Variants in NEGR1 observed in about 807,000 individuals in gnomAD.
NEGR1 encodes IgLON family member 4.
Under a neutral mutation model 40.9 loss-of-function variants are expected in NEGR1, and 10 were observed. That is an observed-to-expected ratio of 0.24 (90% CI 0.15 to 0.42). The LOEUF is 0.42. Among genes scored for constraint, NEGR1 ranks in the 10% least tolerant of loss-of-function variants. The pLI is 1.00. For missense variants in NEGR1, 352 were observed against 438.9 expected (o/e 0.80, Z 1.77); for synonymous variants, 185 against 166.8 (o/e 1.11, Z -0.84).
chr1:72,098,784 G>A (rs1569961175), intron 1 of NEGR1, among the ~76,000 whole-genome samples: 1 of 152,088 alleles, frequency 6.6e-6, no homozygotes, highest in Non-Finnish European at 1.5e-5. Context: ...CTAATAACAG[G>A]TAAACTGCAA....
At chr1:72,098,002 G>T (rs1317487604) in intron 1 of NEGR1, among the ~76,000 whole-genome samples, 1 of 152,074 alleles carries the variant, frequency 6.6e-6, no homozygotes, top group Non-Finnish European at 1.5e-5. Flanking sequence ...CTGGCTCCTG[G>T]CTTAAAACCT....
chr1:71,419,559 T>TC (rs1287384934), intron 6 of NEGR1, among the ~76,000 whole-genome samples: 1 of 152,200 alleles, frequency 6.6e-6, no homozygotes, highest in African/African-American at 2.4e-5. Context: ...CTGTTTTTTT[T>TC]CCTCATAGAT....
intron 1 of NEGR1, among the ~76,000 whole-genome samples, chr1:72,017,126 ATGTGTG>A (rs143863573): frequency 0.18 from 26,016 of 146,794 alleles, 2,710 homozygotes; most frequent in East Asian, 0.43. Flanking sequence ...ATACACATAT[ATGTGTG>A]TGTGTGTGTG....
In NEGR1 at chr1:71,540,669, G is replaced by A. The variant is rs557368674; in HGVS notation, c.940+52148C>T. On this transcript the variant is annotated intron_variant, in intron 6 of 6. Coordinates refer to ENST00000357731, the MANE Select transcript of NEGR1 (RefSeq NM_173808.3). Reference sequence around the variant, plus strand: ...AAGGGGATTTGGCAAATTCAAATCGGCACTCTAACTAAGACTTAGTCATAT... The same window carrying A: ...AAGGGGATTTGGCAAATTCAAATCGACACTCTAACTAAGACTTAGTCATAT... Among the ~76,000 whole-genome samples, 108 of 151,786 alleles carry A rather than the reference G, an allele frequency of 7.1e-4. No homozygotes were observed. The Middle Eastern group carries it at 0.01, about 14-fold the overall frequency.
In NEGR1 at chr1:71,438,166, T is replaced by G. The variant is rs546082074; in HGVS notation, c.941-30596A>C. Among the ~76,000 whole-genome samples the G allele has an allele frequency of 1.2e-4, 18 of 152,324 alleles. No homozygotes were observed. The South Asian group carries it at 3.3e-3, about 28-fold the overall frequency. ...GGCTTTGAGGATGTTTATGTATTCTTTATAAGCCCTTAGTCAAAGATTGCT... is the reference window on the plus strand; with the variant it reads ...GGCTTTGAGGATGTTTATGTATTCTGTATAAGCCCTTAGTCAAAGATTGCT... On this transcript the variant is annotated intron_variant, in intron 6 of 6. Coordinates refer to ENST00000357731, the MANE Select transcript of NEGR1 (RefSeq NM_173808.3).
At chr1:71,412,201 T>C (rs1646327736) in intron 6 of NEGR1, among the ~76,000 whole-genome samples, 2 of 152,252 alleles carry the variant, frequency 1.3e-5, no homozygotes, top group Non-Finnish European at 1.5e-5. Context: ...TTCTTCACTC[T>C]AGTCATACAA....
intron 2 of NEGR1, among the ~76,000 whole-genome samples, chr1:71,863,173 C>T (rs969332436): frequency 6.6e-6 from 1 of 152,110 alleles, no homozygotes; most frequent in Non-Finnish European, 1.5e-5. Flanking sequence ...GCATTATTCA[C>T]AACAGCAAAG....
At chr1:71,511,534 T>C (rs1647073066) in intron 6 of NEGR1, among the ~76,000 whole-genome samples, 2 of 152,342 alleles carry the variant, frequency 1.3e-5, no homozygotes, top group South Asian at 2.1e-4. Context: ...CTGAACATAG[T>C]GGAAAGAGTC....
At chr1:71,480,896 A>G (rs898217430) in intron 6 of NEGR1, among the ~76,000 whole-genome samples, 2 of 151,792 alleles carry the variant, frequency 1.3e-5, no homozygotes, top group Non-Finnish European at 2.9e-5. Context: ...AGGTGAAATA[A>G]CTCACCTAAA....
intron 1 of NEGR1, among the ~76,000 whole-genome samples, chr1:72,085,747 A>T (rs1311036253): frequency 6.6e-6 from 1 of 152,058 alleles, no homozygotes; most frequent in Non-Finnish European, 1.5e-5. Flanking sequence ...AGGCGGGTGG[A>T]TCACCTGAGG....
chr1:71,949,697 A>G (rs1646052062), intron 1 of NEGR1, among the ~76,000 whole-genome samples: 1 of 152,210 alleles, frequency 6.6e-6, no homozygotes, highest in African/African-American at 2.4e-5. Context: ...AAGCACACAC[A>G]GCAATCTCTG....
intron 2 of NEGR1, among the ~76,000 whole-genome samples, chr1:71,912,233 C>G (rs1247283195): frequency 1.3e-5 from 2 of 152,132 alleles, no homozygotes; most frequent in Non-Finnish European, 2.9e-5. Context: ...CTTGTCTTTT[C>G]CAGCTTTTAA....
chr1:71,943,874 T>C (rs922994200), intron 1 of NEGR1, among the ~76,000 whole-genome samples: 1 of 152,144 alleles, frequency 6.6e-6, no homozygotes, highest in Non-Finnish European at 1.5e-5. Context: ...GGTCTTATCA[T>C]CTCTGCTCTA....
chr1:71,448,544 A>G (rs1389143610), intron 6 of NEGR1, among the ~76,000 whole-genome samples: 1 of 152,178 alleles, frequency 6.6e-6, no homozygotes, highest in Non-Finnish European at 1.5e-5. Context: ...GGTTGCAATG[A>G]GCAGAGATTG....
At chr1:71,596,849 C>T (rs538572005) in intron 5 of NEGR1, among the ~76,000 whole-genome samples, 117 of 152,246 alleles carry the variant, frequency 7.7e-4, no homozygotes, top group Middle Eastern at 6.8e-3. Context: ...TATCAGACAA[C>T]ATTTTAAATA....
At chr1:71,458,412 A>G (rs550256441) in intron 6 of NEGR1, among the ~76,000 whole-genome samples, 44 of 152,328 alleles carry the variant, frequency 2.9e-4, no homozygotes, top group African/African-American at 1.1e-3. Flanking sequence ...TAACTAGCAG[A>G]AGGCTGCAGA....
chr1:71,912,365 C>T (rs1661441944), intron 2 of NEGR1, among the ~76,000 whole-genome samples: 1 of 152,126 alleles, frequency 6.6e-6, no homozygotes, highest in African/African-American at 2.4e-5. Context: ...CTTATAATAA[C>T]CCTCGTTATT....
chr1:72,104,502 A>G (rs1343053937), intron 1 of NEGR1, among the ~76,000 whole-genome samples: 1 of 152,104 alleles, frequency 6.6e-6, no homozygotes, highest in African/African-American at 2.4e-5. Context: ...AGCTTCCTGA[A>G]GGAATATGGT....
At chr1:71,656,864 G>A (rs923932044) in intron 4 of NEGR1, among the ~76,000 whole-genome samples, 1 of 151,574 alleles carries the variant, frequency 6.6e-6, no homozygotes, top group Non-Finnish European at 1.5e-5. Flanking sequence ...TTAGGCTCTG[G>A]GATATTTTGA....
Sources: allele counts gnomAD v4.1 joint callset (sites outside exome capture counted in the v4.1 genomes callset), GRCh38; gene constraint gnomAD v4.1.1; transcripts MANE v1.5; gene names NCBI Gene and HGNC (gene_info 2026-07-23, HGNC 2026-07-21).